The following RNF150 variants were observed in gnomAD, a reference collection of about 807,000 sequenced individuals.
The protein encoded by RNF150 is ring finger protein 150.
RNF150 carries 24 observed loss-of-function variants against 39.3 expected under a neutral mutation model. That is an observed-to-expected ratio of 0.61 (90% CI 0.44 to 0.86). The LOEUF is 0.86. Ranked by LOEUF, RNF150 falls within the 40% of genes least tolerant of loss-of-function variation. The pLI is 0.00. For missense variants in RNF150, 502 were observed against 587.8 expected, an observed-to-expected ratio of 0.85 and a Z score of 1.51; for synonymous variants, 255 against 227.3, an observed-to-expected ratio of 1.12 and a Z score of -1.10.
chr4:141,001,646 G>C (rs1162629876), intron 1 of RNF150, among the ~76,000 whole-genome samples: 1 of 151,982 alleles, frequency 6.6e-6, no homozygotes, highest in Non-Finnish European at 1.5e-5. Flanking sequence ...AGCATGGTTT[G>C]TACCATGTGC....
intron 1 of RNF150, among the ~76,000 whole-genome samples, chr4:141,031,203 C>A (rs1322765002): frequency 3.8e-4 from 57 of 151,632 alleles, no homozygotes; most frequent in Non-Finnish European, 1.0e-4. Context: ...ACTGAATATC[C>A]ACAAGCAGAA....
At chr4:140,904,324 G>T (rs1038877264) in intron 6 of RNF150, among the ~76,000 whole-genome samples, 5 of 152,196 alleles carry the variant, frequency 3.3e-5, no homozygotes, top group African/African-American at 1.2e-4. Context: ...TGACAGTGGG[G>T]CCTAAAATCT....
intron 1 of RNF150, among the ~76,000 whole-genome samples, chr4:141,077,362 G>A (rs1028777160): frequency 6.6e-6 from 1 of 152,156 alleles, no homozygotes; most frequent in Non-Finnish European, 1.5e-5. Flanking sequence ...AATATATTAT[G>A]TTAAGTAGAA....
chr4:140,996,679 T>C (rs1224492422), intron 1 of RNF150, among the ~76,000 whole-genome samples: 4 of 152,232 alleles, frequency 2.6e-5, no homozygotes, highest in Admixed American at 2.6e-4. Context: ...AGGTAAAAAA[T>C]TTTGGTTTCT....
chr4:141,034,581 G>A (rs1213413943), intron 1 of RNF150, among the ~76,000 whole-genome samples: 1 of 152,136 alleles, frequency 6.6e-6, no homozygotes, highest in Non-Finnish European at 1.5e-5. Context: ...ACTACACTAA[G>A]CTTAATCATT....
chr4:140,935,988 C>T (rs1731851132), intron 4 of RNF150, among the ~76,000 whole-genome samples: 1 of 152,136 alleles, frequency 6.6e-6, no homozygotes, highest in South Asian at 2.1e-4. Flanking sequence ...CATCTGTCAC[C>T]ATATATTAGT....
chr4:140,951,748 G>C (rs991519512), intron 2 of RNF150, among the ~76,000 whole-genome samples: 1 of 152,010 alleles, frequency 6.6e-6, no homozygotes, highest in African/African-American at 2.4e-5. Context: ...TATTGAGAAA[G>C]GGCTACTAGT....
intron 1 of RNF150, among the ~76,000 whole-genome samples, chr4:141,005,220 T>G (rs1431574342): frequency 6.6e-6 from 1 of 152,184 alleles, no homozygotes; most frequent in African/African-American, 2.4e-5. Context: ...TTGGACATGC[T>G]AAGTCTGGGG....
chr4:140,904,497 G>A (rs984153723), intron 6 of RNF150, among the ~76,000 whole-genome samples: 7 of 152,152 alleles, frequency 4.6e-5, no homozygotes, highest in Admixed American at 1.3e-4. Flanking sequence ...CAGAGACTTC[G>A]CCATTTCAGG....
At chr4:140,927,587 C>T (rs1463494216) in intron 4 of RNF150, among the ~76,000 whole-genome samples, 1 of 152,118 alleles carries the variant, frequency 6.6e-6, no homozygotes, top group Non-Finnish European at 1.5e-5. Context: ...CAGAAGATGC[C>T]AGCATCATGC....
intron 1 of RNF150, among the ~76,000 whole-genome samples, chr4:141,171,078 C>T (rs1727709259): frequency 6.6e-6 from 1 of 152,108 alleles, no homozygotes; most frequent in African/African-American, 2.4e-5. Context: ...GCAATGCAGT[C>T]ATGTTAAGGT....
At chr4:141,125,042 G>A (rs1578752549) in intron 1 of RNF150, among the ~76,000 whole-genome samples, 2 of 152,134 alleles carry the variant, frequency 1.3e-5, no homozygotes, top group Non-Finnish European at 2.9e-5. Flanking sequence ...AAGTAAAAAA[G>A]TGAAGACTAC....
At chr4:141,171,171 G>A (rs1727711203) in intron 1 of RNF150, among the ~76,000 whole-genome samples, 1 of 152,134 alleles carries the variant, frequency 6.6e-6, no homozygotes, top group Non-Finnish European at 1.5e-5. Flanking sequence ...GTAAAAGAAG[G>A]AGGCTTAGAA....
intron 1 of RNF150, among the ~76,000 whole-genome samples, chr4:141,128,261 A>G (rs892087498): frequency 8.5e-5 from 13 of 152,212 alleles, no homozygotes; most frequent in Admixed American, 2.6e-4. Flanking sequence ...AACACTGTAC[A>G]TGCATTAATC....
intron 1 of RNF150, among the ~76,000 whole-genome samples, chr4:141,113,171 A>G (rs528848675): frequency 2.0e-5 from 3 of 151,878 alleles, no homozygotes; most frequent in South Asian, 4.1e-4. Context: ...GGGTTAGAAC[A>G]TGTTCCTTTA....
At chr4:141,109,024 G>A (rs1278268387) in intron 1 of RNF150, among the ~76,000 whole-genome samples, 1 of 152,084 alleles carries the variant, frequency 6.6e-6, no homozygotes, top group African/African-American at 2.4e-5. Flanking sequence ...AACCCCAGAA[G>A]GTTTCTGAGA....
intron 1 of RNF150, among the ~76,000 whole-genome samples, chr4:141,039,247 T>C (rs1736266181): frequency 6.6e-6 from 1 of 151,986 alleles, no homozygotes; most frequent in Non-Finnish European, 1.5e-5. Flanking sequence ...ATTCTAGAAA[T>C]TGGTATGGAG....
intron 1 of RNF150, among the ~76,000 whole-genome samples, chr4:141,157,241 T>C (rs1008995244): frequency 3.9e-5 from 6 of 152,156 alleles, no homozygotes; most frequent in African/African-American, 9.7e-5. Context: ...TAGGGGTGTG[T>C]CACATCCTAG....
intron 4 of RNF150, among the ~76,000 whole-genome samples, chr4:140,940,197 C>G (rs1220612948): frequency 1.3e-5 from 2 of 152,176 alleles, no homozygotes; most frequent in Non-Finnish European, 2.9e-5. Flanking sequence ...TCTAACAATT[C>G]CAGGTCACCA....
Sources: gnomAD v4.1 joint callset for allele counts (sites outside exome capture counted in the v4.1 genomes callset) on GRCh38, gnomAD v4.1.1 for gene constraint, MANE v1.5 for transcripts, NCBI Gene and HGNC (gene_info 2026-07-23, HGNC 2026-07-21) for gene names.